UBE4B: variants seen among roughly 807,000 people sequenced by gnomAD.
UBE4B encodes the protein ubiquitination factor E4B, also known as ubiquitin conjugation factor E4 B.
A neutral mutation model predicts 148.1 loss-of-function variants in UBE4B; 27 were observed. The ratio of observed to expected loss-of-function variants is 0.18; its 90% confidence interval spans 0.13 to 0.25. UBE4B has a LOEUF of 0.25. Ranked by LOEUF, UBE4B falls within the 10% of genes least tolerant of loss-of-function variation. UBE4B has a pLI of 1.00. For synonymous variants in UBE4B, 596 were observed against 619.3 expected (o/e 0.96, Z 0.56); for missense variants, 1,170 against 1,662.4 (o/e 0.70, Z 5.15).
At chr1:10,052,083 T>C (rs1483668568) in intron 1 of UBE4B, among the ~76,000 whole-genome samples, 3 of 152,032 alleles carry the variant, frequency 2.0e-5, no homozygotes, top group Admixed American at 6.6e-5. Context: ...TTTTTTTTTT[T>C]TGAGACGGGG....
In UBE4B at chr1:10,179,973, C is replaced by T. The variant is rs778733607; in HGVS notation, c.*17C>T. 7 of 1,613,952 alleles carry T rather than the reference C, an allele frequency of 4.3e-6. 1 individual carries two copies. In the South Asian group the frequency reaches 7.7e-5, roughly 18 times the overall value. On this transcript the variant is annotated 3_prime_UTR_variant, in exon 28 of 28. Coordinates refer to ENST00000343090, the MANE Select transcript of UBE4B (RefSeq NM_001105562.3). ...GATCACTAAACCGTTCCGCCGCCCA[C>T]CCTCTGCTAGACACAGCCAAGGCCA...
Position 10,130,552 on chromosome 1 carries a change from G to A in UBE4B, c.1748G>A (p.Arg583Gln), listed in dbSNP as rs200546136. The A allele has an allele frequency of 3.1e-6, 5 of 1,614,090 alleles. No homozygotes were observed. Among genetic ancestry groups the A allele is most frequent in the Admixed American group, 1.7e-5 (1 of 60,004 alleles). ...AAATCCTTAAGTCCTGGCTGTGGGC[G>A]GGAGCTGCAGAGACTCTCTTACTTA... Reference protein sequence around the residue: ...LPKSLSPGCGRELQRLSYLGA... With the variant: ...LPKSLSPGCGQELQRLSYLGA... Residue 583 changes from arginine to glutamine, a missense_variant, in exon 13 of 28, where the codon CGG becomes CAG. By Grantham distance (43) the Arg-to-Gln change is conservative (BLOSUM62 1). Transcript: ENST00000343090.
chr1:10,117,957 G>A (rs915047130), intron 8 of UBE4B, among the ~76,000 whole-genome samples: 11 of 152,190 alleles, frequency 7.2e-5, no homozygotes, highest in African/African-American at 2.7e-4. Context: ...GATTGCCAAG[G>A]ACTGTGCCAG....
At chr1:10,089,617 T>C (rs1644815627) in intron 2 of UBE4B, among the ~76,000 whole-genome samples, 1 of 152,220 alleles carries the variant, frequency 6.6e-6, no homozygotes, top group South Asian at 2.1e-4. Flanking sequence ...TGTCAAGAGC[T>C]ATATAAATAA....
chr1:10,115,239 G>A (rs1398432584), intron 7 of UBE4B, among the ~76,000 whole-genome samples: 1 of 150,548 alleles, frequency 6.6e-6, no homozygotes, highest in Non-Finnish European at 1.5e-5. Context: ...GCCCGCCTTG[G>A]CCTCCCAAAA....
At chr1:10,093,624 T>A (rs550482885) in intron 2 of UBE4B, among the ~76,000 whole-genome samples, 1 of 152,174 alleles carries the variant, frequency 6.6e-6, no homozygotes, top group South Asian at 2.1e-4. Context: ...GGGTTAAAAT[T>A]GTATTTATTC....
chr1:10,152,557 G>C (rs1044569715), intron 21 of UBE4B, among the ~76,000 whole-genome samples: 10 of 151,956 alleles, frequency 6.6e-5, no homozygotes, highest in African/African-American at 2.4e-4. Context: ...CAGCACTTTG[G>C]GAGGCCGAGG....
rs1290108208 is a variant in UBE4B, at chr1:10,117,548, A to G, written c.1286A>G (p.Tyr429Cys). ...TGCAAAGAGACAGATATGCTGAACTACCTCATCGAGTGTTTCGACCGAGTT... is the reference window on the plus strand; with the variant it reads ...TGCAAAGAGACAGATATGCTGAACTGCCTCATCGAGTGTTTCGACCGAGTT... ...ETCKETDMLN[Y>C]LIECFDRVGI... Residue 429 changes from tyrosine (Y) to cysteine (C), a missense_variant, in exon 8 of 28, where the codon TAC becomes TGC. Tyr to Cys is a radical substitution (Grantham distance 194). Transcript: ENST00000343090. 4 of 1,611,486 alleles carry G rather than the reference A, an allele frequency of 2.5e-6. No homozygotes were observed. Among genetic ancestry groups the G allele is most frequent in the Non-Finnish European group, 1.7e-6 (2 of 1,179,268 alleles).
intron 2 of UBE4B, among the ~76,000 whole-genome samples, chr1:10,085,947 G>A (rs1407988613): frequency 1.3e-5 from 2 of 151,652 alleles, no homozygotes; most frequent in East Asian, 1.9e-4. Context: ...CCACCACCAC[G>A]CCCAGCTAAT....
At chr1:10,135,660 C>T (rs1645669180) in intron 16 of UBE4B, among the ~76,000 whole-genome samples, 1 of 144,358 alleles carries the variant, frequency 6.9e-6, no homozygotes, top group Non-Finnish European at 1.5e-5. Context: ...TGTGTGAACC[C>T]AGGAGGCTGA....
rs192700387 is a variant in UBE4B, at chr1:10,108,204, C to G, written c.1196+1621C>G. Among the ~76,000 whole-genome samples, 7 of 150,068 alleles carry G rather than the reference C, an allele frequency of 4.7e-5. No homozygotes were observed. In the East Asian group the frequency reaches 5.9e-4, roughly 13 times the overall value. On this transcript the variant is annotated intron_variant, in intron 7 of 27. Transcript: ENST00000343090. Reference sequence around the variant, plus strand: ...CCTTCCCACCCCCTCCCAGCCTCCACCGCCCCCCTGTTCACCCCCATTGAG... The same window carrying G: ...CCTTCCCACCCCCTCCCAGCCTCCAGCGCCCCCCTGTTCACCCCCATTGAG...
At chr1:10,074,607 A>T (rs959524014) in intron 2 of UBE4B, among the ~76,000 whole-genome samples, 1 of 152,174 alleles carries the variant, frequency 6.6e-6, no homozygotes, top group Non-Finnish European at 1.5e-5. Flanking sequence ...GGTCTGACCC[A>T]TCAGCCTCAT....
intron 20 of UBE4B, 46 bp from the exon 21 acceptor site, chr1:10,151,280 G>A: frequency 6.3e-7 from 1 of 1,578,804 alleles, no homozygotes; most frequent in Non-Finnish European, 8.7e-7. Flanking sequence ...GAGTTTCTCA[G>A]CAGTTTCTCA....
At chr1:10,043,984 G>C (rs1643867647) in intron 1 of UBE4B, among the ~76,000 whole-genome samples, 1 of 152,106 alleles carries the variant, frequency 6.6e-6, no homozygotes, top group Admixed American at 6.6e-5. Flanking sequence ...TCCATTTGCT[G>C]TTTCTAAAGA....
intron 20 of UBE4B, among the ~76,000 whole-genome samples, chr1:10,151,056 G>A (rs553388329): frequency 0.018 from 2,601 of 147,484 alleles, 33 homozygotes; most frequent in Non-Finnish European, 0.027. Context: ...CCAGCTACTC[G>A]GGAGGCTGAG....
intron 14 of UBE4B, among the ~76,000 whole-genome samples, chr1:10,132,107 C>T (rs955085098): frequency 3.3e-5 from 5 of 151,966 alleles, no homozygotes; most frequent in Non-Finnish European, 5.9e-5. Flanking sequence ...TCCAGCCTGG[C>T]AACAGAGCTA....
rs200723341 is a variant in UBE4B, at chr1:10,089,517, A to AG, written c.212-5943dup. 2.0e-3 allele frequency among the ~76,000 whole-genome samples: 308 copies of AG among 151,902 alleles called. 6 individuals carry two copies. Among genetic ancestry groups the AG allele is most frequent in the Admixed American group, 9.2e-3 (140 of 15,236 alleles). On this transcript the variant is annotated intron_variant, in intron 2 of 27. Transcript: ENST00000343090. ...AACATGTCTCTGAAAAAAAAAAAAAAGTTTTCAGGGGTGAGACTTGGTGTT... is the reference window on the plus strand; with the variant it reads ...AACATGTCTCTGAAAAAAAAAAAAAAGGTTTTCAGGGGTGAGACTTGGTGTT...
rs565985399 is a variant in UBE4B at position 10,107,353 on chromosome 1, C to A, written c.1196+770C>A. 2.3e-6 allele frequency: 3 copies of A among 1,288,434 alleles called. No individual in the cohort carries two copies. The African/African-American group carries it at 4.6e-5, about 20-fold the overall frequency. 79.8% of individuals were successfully genotyped at this position (1,288,434 alleles called of 1,614,324 possible). ...GGTGGTGGTGGTGGTGATGATTTTTCTTGTGTCCAGTTTGGGTCCAGGTAT... is the reference window on the plus strand; with the variant it reads ...GGTGGTGGTGGTGGTGATGATTTTTATTGTGTCCAGTTTGGGTCCAGGTAT... On this transcript the variant is annotated intron_variant, in intron 7 of 27. Transcript: ENST00000343090.
intron 22 of UBE4B, among the ~76,000 whole-genome samples, chr1:10,160,296 A>G (rs1646140648): frequency 6.6e-6 from 1 of 152,236 alleles, no homozygotes; most frequent in Non-Finnish European, 1.5e-5. Flanking sequence ...GTGATAAGGA[A>G]TAACTATATC....
Sources: allele counts gnomAD v4.1 joint callset (sites outside exome capture counted in the v4.1 genomes callset), GRCh38; gene constraint gnomAD v4.1.1; transcripts MANE v1.5; gene names NCBI Gene and HGNC (gene_info 2026-07-23, HGNC 2026-07-21).